NACC1: variants seen among roughly 807,000 people sequenced by gnomAD.
NACC1 encodes the protein nucleus accumbens-associated protein 1.
A neutral mutation model predicts 41.7 loss-of-function variants in NACC1; 6 were observed. That is an observed-to-expected ratio of 0.14 (90% confidence interval 0.08 to 0.28). The LOEUF is 0.28. Ranked by LOEUF, NACC1 falls within the 10% of genes least tolerant of loss-of-function variation. The pLI is 1.00. For missense variants in NACC1, 434 were observed against 763.7 expected (o/e 0.57, Z 5.09); for synonymous variants, 338 against 330.6 (o/e 1.02, Z -0.24).
chr19:13,131,721 G>A (rs567163089), intron 1 of NACC1: 4 of 152,372 alleles, frequency 2.6e-5, no homozygotes, highest in Admixed American at 2.0e-4. Flanking sequence ...TTTTGAGGAG[G>A]GGAAGAGGAA....
upstream of NACC1, chr19:13,118,185 G>A (rs1339546546): frequency 6.6e-6 from 1 of 151,576 alleles, no homozygotes; most frequent in East Asian, 1.9e-4. Context: ...GGCGGGGCCC[G>A]AGGGCGGTGC....
chr19:13,129,004 G>A (rs1281120765), intron 1 of NACC1, among the ~76,000 whole-genome samples: 1 of 152,204 alleles, frequency 6.6e-6, no homozygotes, highest in African/African-American at 2.4e-5. Context: ...TTCTGCCCTT[G>A]GGGAGTTTAT....
At chr19:13,130,161 C>A (rs1314433767) in intron 1 of NACC1, among the ~76,000 whole-genome samples, 2 of 152,146 alleles carry the variant, frequency 1.3e-5, no homozygotes, top group African/African-American at 4.8e-5. Context: ...ACTGCAGCCT[C>A]TAACTTTTTG....
At chr19:13,135,091 C>T in intron 1 of NACC1, 109 bp from the exon 2 acceptor site, 1 of 1,437,118 alleles carries the variant, frequency 7.0e-7, no homozygotes. Context: ...TGCGGATGTC[C>T]CTCCAGCAGG....
chr19:13,119,709 C>A (rs1481197188), intron 1 of NACC1, among the ~76,000 whole-genome samples: 3 of 152,132 alleles, frequency 2.0e-5, no homozygotes, highest in Non-Finnish European at 2.9e-5. Context: ...TGGAGGCTCC[C>A]GACGGGGTGA....
chr19:13,138,050 T>G lies in NACC1; in HGVS notation c.1325-97T>G. 1.3e-6 allele frequency: 2 copies of G among 1,537,794 alleles called. No individual in the cohort carries two copies. Among genetic ancestry groups the G allele is most frequent in the Non-Finnish European group, 1.8e-6 (2 of 1,136,206 alleles). On this transcript the variant is annotated intron_variant, in intron 5 of 5. Transcript: ENST00000292431. This position sits in a 1 kb window ranked among gnomAD's most constrained non-coding sequence, Gnocchi z 5.7. Reference sequence around the variant, plus strand: ...CGCGTGGCCTCACTCGTTTCCCCTTTGAGAGGGAGTCGCAGATGCTGTAGG... The same window carrying G: ...CGCGTGGCCTCACTCGTTTCCCCTTGGAGAGGGAGTCGCAGATGCTGTAGG...
chr19:13,126,337 C>A (rs1386335657), intron 1 of NACC1, among the ~76,000 whole-genome samples: 1 of 152,206 alleles, frequency 6.6e-6, no homozygotes, highest in African/African-American at 2.4e-5. Flanking sequence ...AGGCGTGAGT[C>A]ACCGTGCCCA....
intron 1 of NACC1, among the ~76,000 whole-genome samples, chr19:13,133,835 T>C (rs947408332): frequency 2.6e-5 from 4 of 152,176 alleles, no homozygotes; most frequent in African/African-American, 7.2e-5. Flanking sequence ...CTTTAACCGT[T>C]TGAGGAACCG....
At chr19:13,127,353 A>G (rs1409866194) in intron 1 of NACC1, among the ~76,000 whole-genome samples, 3 of 130,836 alleles carry the variant, frequency 2.3e-5, no homozygotes, top group African/African-American at 9.1e-5. Context: ...AAAAAAAAAA[A>G]GCATACATAT....
At chr19:13,118,660 C>T (rs2019440915) in intron 1 of NACC1, among the ~76,000 whole-genome samples, 1 of 151,502 alleles carries the variant, frequency 6.6e-6, no homozygotes. Flanking sequence ...TTGGGGGCGG[C>T]AGGATCGTAC....
At chr19:13,134,999 C>G (rs2019681012) in intron 1 of NACC1, among the ~76,000 whole-genome samples, 1 of 152,196 alleles carries the variant, frequency 6.6e-6, no homozygotes, top group Non-Finnish European at 1.5e-5. Flanking sequence ...CAGATTTGAC[C>G]ACATATTGTA....
At position 13,138,566 on chromosome 19, in the gene NACC1, G is replaced by T. The variant is rs1052593055; in HGVS notation, c.*160G>T. On this transcript the variant is annotated 3_prime_UTR_variant, in exon 6 of 6. Coordinates refer to ENST00000292431, the MANE Select transcript of NACC1 (RefSeq NM_052876.4). The surrounding 1 kb of genome is among the most constrained non-coding windows in gnomAD (Gnocchi z 5.7). The stretch of plus-strand genomic sequence containing the variant: ...TCCTGTCCTACCCCCTTTCCCCACC[G>T]AGAGCTGGGCCGGGAGAGGACCGCA... 2 of 1,120,884 alleles carry T rather than the reference G, an allele frequency of 1.8e-6. No homozygotes were observed. Among genetic ancestry groups the T allele is most frequent in the African/African-American group, 1.6e-5 (1 of 64,158 alleles). 69.4% of individuals were successfully genotyped at this position (1,120,884 alleles called of 1,614,324 possible). A position where few individuals can be genotyped will look rare whatever the true frequency, so the allele number is the denominator to read the frequency against.
chr19:13,118,889 G>A (rs1301885705), intron 1 of NACC1, among the ~76,000 whole-genome samples: 1 of 137,736 alleles, frequency 7.3e-6, no homozygotes, highest in Admixed American at 7.4e-5. Context: ...GGGAGGGGCC[G>A]GGCCTGCAGG....
intron 1 of NACC1, among the ~76,000 whole-genome samples, chr19:13,128,000 T>C (rs73006862): frequency 0.058 from 8,846 of 152,216 alleles, 341 homozygotes; most frequent in Non-Finnish European, 0.085. Context: ...GCAGTGTCAC[T>C]TGGGGCCAAG....
At chr19:13,121,155 C>T (rs999945634) in intron 1 of NACC1, among the ~76,000 whole-genome samples, 34 of 152,000 alleles carry the variant, frequency 2.2e-4, no homozygotes, top group African/African-American at 8.2e-4. Flanking sequence ...GAAGTGTTCC[C>T]GGAGAGCTAA....
Position 13,135,418 on chromosome 19 carries a change from G to T in NACC1, c.211G>T (p.Ala71Ser), listed in dbSNP as rs1170367410. 5.6e-6 allele frequency: 9 copies of T among 1,613,004 alleles called. No homozygotes were observed. The highest frequency in any genetic ancestry group is 7.6e-6 in the Non-Finnish European group (9 of 1,179,706). Residue 71 changes from alanine to serine, a missense_variant, in exon 2 of 6, where the codon GCG becomes TCG. By Grantham distance (99) the Ala-to-Ser change is moderately conservative (BLOSUM62 1). Around this residue, in one of 4 missense-constraint regions of NACC1, gnomAD observed 67 missense variants for 180.1 expected, o/e 0.37. Transcript: ENST00000292431. Reference sequence around the variant, plus strand: ...CCGCAGCGCCGTGGTGGAGCTGCCGGCGGCTGTGCAGCCCCAGTCTTTCCA... The same window carrying T: ...CCGCAGCGCCGTGGTGGAGCTGCCGTCGGCTGTGCAGCCCCAGTCTTTCCA... ...NSRSAVVELP[A>S]AVQPQSFQQI...
intron 1 of NACC1, among the ~76,000 whole-genome samples, chr19:13,122,595 G>A (rs976440450): frequency 6.6e-6 from 1 of 151,400 alleles, no homozygotes; most frequent in African/African-American, 2.4e-5. Context: ...ATCAGACAGT[G>A]TGTAGGGCAG....
At chr19:13,131,556 T>A (rs934792807) in intron 1 of NACC1, 5 of 152,310 alleles carry the variant, frequency 3.3e-5, no homozygotes, top group Non-Finnish European at 7.3e-5. Context: ...GGCCAGCTCC[T>A]GGCCCATTCA....
Position 13,138,618 on chromosome 19 carries a change from CCTT to C in NACC1, c.*216_*218del. The C allele has an allele frequency of 1.5e-6, 1 of 658,330 alleles. No homozygotes were observed. Among genetic ancestry groups the C allele is most frequent in the Admixed American group, 2.9e-5 (1 of 33,986 alleles). 40.8% of individuals were successfully genotyped at this position (658,330 alleles called of 1,614,324 possible). On this transcript the variant is annotated 3_prime_UTR_variant, in exon 6 of 6. Transcript: ENST00000292431. The surrounding 1 kb of genome is among the most constrained non-coding windows in gnomAD (Gnocchi z 5.7). ...GGCAGGTGGCGTGAGGTCCGTGTTGCCTTCTTTAACACACACTCGTGCAGTGGG... is the reference window on the plus strand; with the variant it reads ...GGCAGGTGGCGTGAGGTCCGTGTTGCCTTTAACACACACTCGTGCAGTGGG...
Sources: allele counts gnomAD v4.1 joint callset (sites outside exome capture counted in the v4.1 genomes callset), GRCh38; gene constraint gnomAD v4.1.1; regional missense constraint gnomAD v4.1.1; non-coding constraint Gnocchi (gnomAD v3.1); transcripts MANE v1.5; gene names NCBI Gene and HGNC (gene_info 2026-07-23, HGNC 2026-07-21).